Variants in RAB4A observed in about 807,000 individuals in gnomAD.
RAB4A encodes the protein ras-related protein Rab-4A.
In RAB4A, 20 loss-of-function variants were observed where a neutral mutation model predicts 34.5. The ratio of observed to expected loss-of-function variants is 0.58; its 90% CI spans 0.41 to 0.84. The LOEUF is 0.84. RAB4A is among the 40% of genes least tolerant of loss of function. The pLI, the probability that RAB4A is intolerant of heterozygous loss-of-function variation, is 0.00. For missense variants in RAB4A, 228 were observed against 274.5 expected (o/e 0.83, Z 1.20); for synonymous variants, 102 against 100.0 (o/e 1.02, Z -0.12).
At chr1:229,275,528 A>G (rs1224440596) in intron 1 of RAB4A, among the ~76,000 whole-genome samples, 3 of 152,182 alleles carry the variant, frequency 2.0e-5, no homozygotes, top group Admixed American at 6.5e-5. Context: ...TTTGCTCATC[A>G]AAATACGATT....
intron 1 of RAB4A, among the ~76,000 whole-genome samples, chr1:229,275,653 C>G (rs1468345454): frequency 7.2e-6 from 1 of 139,008 alleles, no homozygotes; most frequent in African/African-American, 2.7e-5. Flanking sequence ...TAGAGTCTCT[C>G]ACTGTTGCCC....
At chr1:229,286,457 T>C (rs1250735270) in intron 1 of RAB4A, 29 bp from the exon 2 acceptor site, 1 of 1,380,258 alleles carries the variant, frequency 7.2e-7, no homozygotes, top group Non-Finnish European at 1.0e-6. Flanking sequence ...ATTTTGAAGT[T>C]ATTTTCACAG....
At chr1:229,291,361 C>G (rs1657064231) in intron 3 of RAB4A, among the ~76,000 whole-genome samples, 1 of 152,126 alleles carries the variant, frequency 6.6e-6, no homozygotes, top group South Asian at 2.1e-4. Flanking sequence ...ATGAAGCCAG[C>G]AGGAAGATCC....
rs367553188 is a variant in RAB4A at position 229,277,923 on chromosome 1, G to A, written c.31+6553G>A. On this transcript the variant is annotated intron_variant, in intron 1 of 7. Coordinates refer to ENST00000366690, the MANE Select transcript of RAB4A (RefSeq NM_004578.4). The stretch of plus-strand genomic sequence containing the variant: ...TCTGTTGCCCAGTCTGGAGTGCAGT[G>A]GCATTATCTCAGCTCACTGCAACCT... Among the ~76,000 whole-genome samples, 8 of 151,416 alleles carry A rather than the reference G, an allele frequency of 5.3e-5. No homozygotes were observed. In the South Asian group the frequency reaches 1.7e-3, roughly 31 times the overall value.
rs1327051391 is a variant in RAB4A at position 229,302,992 on chromosome 1, G to A, written c.*12+3G>A. 1.2e-6 allele frequency: 2 copies of A among 1,601,404 alleles called. No individual in the cohort carries two copies. Among genetic ancestry groups the A allele is most frequent in the Admixed American group, 3.3e-5 (2 of 59,826 alleles). ...GTGGTTGTTAGGAGAGCACACAGGT[G>A]GGTTTGGACACCTCCCTGCCCTGAG... On this transcript the variant is annotated splice_donor_region_variant and intron_variant, in intron 7 of 7. Coordinates refer to ENST00000366690, the MANE Select transcript of RAB4A (RefSeq NM_004578.4).
intron 1 of RAB4A, among the ~76,000 whole-genome samples, chr1:229,277,096 AT>A (rs1173540330): frequency 6.8e-6 from 1 of 148,040 alleles, no homozygotes; most frequent in Admixed American, 6.7e-5. Flanking sequence ...ATAAATTATT[AT>A]TATATCAGTG....
At chr1:229,281,845 T>A (rs543208855) in intron 1 of RAB4A, among the ~76,000 whole-genome samples, 4 of 135,976 alleles carry the variant, frequency 2.9e-5, no homozygotes, top group African/African-American at 1.1e-4. Flanking sequence ...TATATATATA[T>A]ATCATAGTTT....
chr1:229,277,322 C>T (rs2102834494), intron 1 of RAB4A, among the ~76,000 whole-genome samples: 1 of 151,232 alleles, frequency 6.6e-6, no homozygotes, highest in South Asian at 2.1e-4. Flanking sequence ...ACCGCGGCTC[C>T]TACAGGCACA....
intron 1 of RAB4A, among the ~76,000 whole-genome samples, chr1:229,275,834 C>G (rs992880938): frequency 1.3e-5 from 2 of 151,140 alleles, no homozygotes; most frequent in Admixed American, 6.6e-5. Context: ...CTATGTTGGT[C>G]AGGCTGGCCT....
chr1:229,297,625 C>T lies in RAB4A; in HGVS notation c.434C>T (p.Ala145Val), dbSNP rs1217389690. Reference protein sequence around the residue: ...EVTFLEASRFAQENELMFLET... With the variant: ...EVTFLEASRFVQENELMFLET... ...ACCTTCTTAGAAGCCTCCAGATTTG[C>T]TCAAGAAAATGGCAAGTGACCTTTT... The change falls in exon 5 of 8, where the codon GCT (alanine) becomes GTT (valine). Residue 145 changes from alanine to valine, a missense_variant. Physicochemically the swap from Ala to Val is moderately conservative, Grantham distance 64. Transcript: ENST00000366690. 2.5e-6 allele frequency: 4 copies of T among 1,584,882 alleles called. No homozygotes were observed. The highest frequency in any genetic ancestry group is 3.4e-6 in the Non-Finnish European group (4 of 1,170,430).
chr1:229,296,537 A>T (rs774581459), intron 4 of RAB4A, among the ~76,000 whole-genome samples: 11 of 152,256 alleles, frequency 7.2e-5, no homozygotes, highest in Non-Finnish European at 1.5e-4. Context: ...CAGTAGCTAC[A>T]TGTGGCTGGT....
intron 3 of RAB4A, among the ~76,000 whole-genome samples, chr1:229,293,908 A>G (rs1164141386): frequency 6.6e-6 from 1 of 152,160 alleles, no homozygotes; most frequent in Non-Finnish European, 1.5e-5. Flanking sequence ...AGGTACAGTG[A>G]CGGAGATGTC....
Position 229,304,538 on chromosome 1 carries a change from A to G in RAB4A, c.*745A>G, listed in dbSNP as rs900402491. ...TAAGGATTCTGGTACCTTTACCCAA[A>G]CCTACTGGGCTACTAATACTTCTCT... On this transcript the variant is annotated 3_prime_UTR_variant, in exon 8 of 8. Transcript: ENST00000366690. 1 of 152,158 alleles carries G rather than the reference A, an allele frequency of 6.6e-6. No individual in the cohort carries two copies. The highest frequency in any genetic ancestry group is 2.4e-5 in the African/African-American group (1 of 41,428). The allele number at this position is 152,158 out of a possible 1,614,324, so 9.4% of individuals were successfully genotyped here.
At chr1:229,299,387 A>G (rs768486327) in intron 6 of RAB4A, among the ~76,000 whole-genome samples, 3 of 152,174 alleles carry the variant, frequency 2.0e-5, no homozygotes, top group Non-Finnish European at 2.9e-5. Flanking sequence ...AAACGGAGGA[A>G]GAATAGGCCT....
chr1:229,277,427 C>T (rs1226221412), intron 1 of RAB4A, among the ~76,000 whole-genome samples: 1 of 151,124 alleles, frequency 6.6e-6, no homozygotes, highest in Non-Finnish European at 1.5e-5. Flanking sequence ...CTTCTGCTGC[C>T]CAAACCTTCC....
At chr1:229,298,949 A>G in intron 5 of RAB4A, 28 bp from the exon 6 acceptor site, 1 of 1,518,986 alleles carries the variant, frequency 6.6e-7, no homozygotes, top group Non-Finnish European at 9.1e-7. Context: ...TCTAAACATG[A>G]CTTTATTTTG....
At chr1:229,295,992 C>A in intron 4 of RAB4A, 82 bp downstream of exon 4, 1 of 1,424,610 alleles carries the variant, frequency 7.0e-7, no homozygotes, top group Non-Finnish European at 9.9e-7. Flanking sequence ...GCCCTCCGTG[C>A]AGTGTGTGCT....
chr1:229,278,534 A>G (rs901040800), intron 1 of RAB4A, among the ~76,000 whole-genome samples: 4 of 152,192 alleles, frequency 2.6e-5, no homozygotes, highest in Non-Finnish European at 4.4e-5. Flanking sequence ...AAACTTGCTT[A>G]CCTCATCCTT....
chr1:229,291,691 C>T (rs900701294), intron 3 of RAB4A, among the ~76,000 whole-genome samples: 1 of 152,096 alleles, frequency 6.6e-6, no homozygotes, highest in South Asian at 2.1e-4. Context: ...AAAGGAAACC[C>T]AGTTACCAGA....
Sources: gnomAD v4.1 joint callset for allele counts (sites outside exome capture counted in the v4.1 genomes callset) on GRCh38, gnomAD v4.1.1 for gene constraint, MANE v1.5 for transcripts, NCBI Gene and HGNC (gene_info 2026-07-23, HGNC 2026-07-21) for gene names.